Variants in AEBP2 observed in about 807,000 individuals in gnomAD.
The protein encoded by AEBP2 is AE binding protein 2, also known as zinc finger protein AEBP2.
A neutral mutation model predicts 50.8 loss-of-function variants in AEBP2; 10 were observed. The observed-to-expected ratio is 0.20, with a 90% confidence interval of 0.12 to 0.33. The LOEUF is 0.33. Ranked by LOEUF, AEBP2 falls within the 10% of genes least tolerant of loss-of-function variation. The pLI is 1.00. For missense variants in AEBP2, 570 were observed against 688.0 expected (o/e 0.83, Z 1.92); for synonymous variants, 296 against 261.3 (o/e 1.13, Z -1.28).
intron 4 of AEBP2, among the ~76,000 whole-genome samples, chr12:19,498,270 A>T (rs1252290725): frequency 1.3e-5 from 2 of 152,182 alleles, no homozygotes; most frequent in Admixed American, 6.5e-5. Flanking sequence ...CAGGAAAGTG[A>T]TGTATTTCTC....
rs540450924 is a variant in AEBP2 at position 19,457,073 on chromosome 12, C to T, written c.672-5437C>T. On this transcript the variant is annotated intron_variant, in intron 1 of 7. Transcript: ENST00000266508. ...CAACCAGAAATTGGCACAAATGCTT[C>T]TGTGTCGGGGTTGTAGCCAATTTTC... 2.4e-4 allele frequency: 378 copies of T among 1,606,322 alleles called. 4 individuals carry two copies. In the Admixed American group the frequency reaches 6.2e-3, roughly 26 times the overall value.
At chr12:19,515,817 T>C (rs1333819392) in intron 7 of AEBP2, among the ~76,000 whole-genome samples, 1 of 152,180 alleles carries the variant, frequency 6.6e-6, no homozygotes, top group Non-Finnish European at 1.5e-5. Flanking sequence ...AAGGTTTTTT[T>C]GGCTGGGCCC....
At chr12:19,416,842 A>G (rs1182958592) in intron 1 of AEBP2, among the ~76,000 whole-genome samples, 9 of 134,528 alleles carry the variant, frequency 6.7e-5, no homozygotes, top group African/African-American at 2.5e-4. Flanking sequence ...GTCAGCCACC[A>G]CTCCTGGCCT....
intron 1 of AEBP2, among the ~76,000 whole-genome samples, chr12:19,442,509 G>A (rs1469519): frequency 0.16 from 24,555 of 152,172 alleles, 3,508 homozygotes; most frequent in African/African-American, 0.38. Context: ...CATTTAGGAA[G>A]TGGAGTTGTG....
At chr12:19,421,525 G>C (rs1436435716) in intron 1 of AEBP2, among the ~76,000 whole-genome samples, 2 of 152,038 alleles carry the variant, frequency 1.3e-5, no homozygotes, top group Non-Finnish European at 2.9e-5. Context: ...GGGAGGCTGA[G>C]GTGGGAGAGT....
At chr12:19,459,227 ATTTCTTTTTT>A (rs1214280097) in intron 1 of AEBP2, among the ~76,000 whole-genome samples, 2 of 152,048 alleles carry the variant, frequency 1.3e-5, no homozygotes, top group Non-Finnish European at 2.9e-5. Flanking sequence ...GAAACTTGAA[ATTTCTTTTTT>A]TTTCTTTTTT....
upstream of AEBP2, among the ~76,000 whole-genome samples, chr12:19,436,579 TC>T (rs1947863643): frequency 1.0e-4 from 7 of 66,976 alleles, no homozygotes; most frequent in Admixed American, 9.0e-4. Flanking sequence ...TGTTTTCTTT[TC>T]TTTTTTCTTT....
In AEBP2 at chr12:19,465,858, C is replaced by T. The variant is rs532749611; in HGVS notation, c.879+3141C>T. 6.1e-5 allele frequency among the ~76,000 whole-genome samples: 9 copies of T among 147,976 alleles called. No individual in the cohort carries two copies. The South Asian group carries it at 1.9e-3, about 32-fold the overall frequency. On this transcript the variant is annotated intron_variant, in intron 2 of 7. Transcript: ENST00000266508. ...CCGGGCTGGAGTGCAGTGGCACGAC[C>T]TCAGCTCACTACAGCCTCCGTCTCC...
At chr12:19,440,561 C>G (rs1023325406) in intron 1 of AEBP2, 191 bp downstream of exon 1, 3 of 1,403,274 alleles carry the variant, frequency 2.1e-6, no homozygotes, top group Admixed American at 5.6e-5. Flanking sequence ...CGGCTTCCAA[C>G]TCTCAAACCG....
At chr12:19,494,277 T>G (rs1378751026) in intron 4 of AEBP2, among the ~76,000 whole-genome samples, 1 of 152,156 alleles carries the variant, frequency 6.6e-6, no homozygotes, top group Non-Finnish European at 1.5e-5. Context: ...AGAAATATTT[T>G]AGAAAATTTG....
intron 1 of AEBP2, among the ~76,000 whole-genome samples, chr12:19,451,228 A>G (rs1466504111): frequency 6.6e-6 from 1 of 152,180 alleles, no homozygotes; most frequent in East Asian, 1.9e-4. Context: ...CTGCAGGGTC[A>G]GCTCATTTCT....
At chr12:19,441,443 A>G (rs11835537) in intron 1 of AEBP2, among the ~76,000 whole-genome samples, 2,130 of 152,278 alleles carry the variant, frequency 0.014, 46 homozygotes, top group African/African-American at 0.048. Flanking sequence ...ATGTTTTGAC[A>G]ATCACATTTT....
chr12:19,464,682 G>T (rs1200844525), intron 2 of AEBP2, among the ~76,000 whole-genome samples: 1 of 151,608 alleles, frequency 6.6e-6, no homozygotes, highest in African/African-American at 2.4e-5. Flanking sequence ...TGCCTCCCGG[G>T]TTCAGGTGAT....
intron 3 of AEBP2, among the ~76,000 whole-genome samples, chr12:19,475,520 G>A (rs1363090788): frequency 1.3e-5 from 2 of 152,038 alleles, no homozygotes; most frequent in Non-Finnish European, 2.9e-5. Context: ...GGGCACACTT[G>A]TGTGTGCAAG....
At chr12:19,422,765 G>A (rs915673687) in intron 1 of AEBP2, among the ~76,000 whole-genome samples, 1 of 152,090 alleles carries the variant, frequency 6.6e-6, no homozygotes, top group Non-Finnish European at 1.5e-5. Context: ...TGAAAGAGCT[G>A]TAAGAACATC....
chr12:19,404,587 C>G (rs2095735095), intron 1 of AEBP2, among the ~76,000 whole-genome samples: 1 of 152,152 alleles, frequency 6.6e-6, no homozygotes, highest in Admixed American at 6.5e-5. Flanking sequence ...GAGAGGCACG[C>G]TAACACCGGC....
Position 19,512,464 on chromosome 12 carries a change from A to G in AEBP2, c.1366A>G (p.Ile456Val), listed in dbSNP as rs1254031046. The G allele has an allele frequency of 1.9e-6, 3 of 1,558,152 alleles. No individual in the cohort carries two copies. Among genetic ancestry groups the G allele is most frequent in the Non-Finnish European group, 2.6e-6 (3 of 1,148,276 alleles). Residue 456 changes from isoleucine (I) to valine (V), a missense_variant and splice_region_variant, in exon 6 of 8, where the codon ATT becomes GTT. By Grantham distance (29) the Ile-to-Val change is conservative (BLOSUM62 3). Around this residue, in one of 2 missense-constraint regions of AEBP2, gnomAD observed 184 missense variants for 351.2 expected, o/e 0.52. Coordinates refer to ENST00000266508, the MANE Select transcript of AEBP2 (RefSeq NM_153207.5). ...KLLLHWMPED[I>V]LPDVWVNESE... ...TTTGCTTCATTGGATGCCTGAAGAC[A>G]TGTAAGTATTTGAAATATTATGCCT... is the stretch of plus-strand genomic sequence containing the variant.
chr12:19,460,364 C>T (rs1056574687), intron 1 of AEBP2, among the ~76,000 whole-genome samples: 3 of 152,136 alleles, frequency 2.0e-5, no homozygotes, highest in Non-Finnish European at 4.4e-5. Flanking sequence ...TTTTTTGAGA[C>T]AGAGTCTCGC....
chr12:19,521,977 A>G lies in AEBP2; in HGVS notation c.*3860A>G, dbSNP rs1406546359. The stretch of plus-strand genomic sequence containing the variant: ...AAATTCTTAGTTTATATGAAAACTG[A>G]TATGTATGTCTGTGTAACAAAGCCT... On this transcript the variant is annotated 3_prime_UTR_variant, in exon 8 of 8. Transcript: ENST00000266508. The G allele has an allele frequency of 1.3e-5, 2 of 152,122 alleles. No homozygotes were observed. Among genetic ancestry groups the G allele is most frequent in the Non-Finnish European group, 2.9e-5 (2 of 68,010 alleles). The allele number at this position is 152,122 out of a possible 1,614,324, so 9.4% of individuals were successfully genotyped here.
Sources: gnomAD v4.1 joint callset for allele counts (sites outside exome capture counted in the v4.1 genomes callset) on GRCh38, gnomAD v4.1.1 for gene constraint, gnomAD v4.1.1 regional missense constraint, MANE v1.5 for transcripts, NCBI Gene and HGNC (gene_info 2026-07-23, HGNC 2026-07-21) for gene names.